Variants in PCDHA2 observed in about 807,000 individuals in gnomAD.
The protein encoded by PCDHA2 is protocadherin alpha 2.
A neutral mutation model predicts 66.0 loss-of-function variants in PCDHA2; 58 were observed. The ratio of observed to expected loss-of-function variants is 0.88; its 90% CI spans 0.71 to 1.09. The LOEUF is 1.09. PCDHA2 is among the 50% of genes least tolerant of loss of function. The pLI, the probability that PCDHA2 is intolerant of heterozygous loss-of-function variation, is 0.00. For missense variants in PCDHA2, 1,267 were observed against 1,242.3 expected (o/e 1.02, Z -0.30); for synonymous variants, 634 against 554.0 (o/e 1.14, Z -2.03).
intron 1 of PCDHA2, among the ~76,000 whole-genome samples, chr5:140,950,428 T>G (rs408652): frequency 0.56 from 85,077 of 151,214 alleles, 24,477 homozygotes; most frequent in African/African-American, 0.69. Context: ...TTTCTTCCAC[T>G]TAAAAAAAAT....
In PCDHA2 at chr5:140,803,406, C is replaced by A. The variant is rs1554122792; in HGVS notation, c.2388+6054C>A. 4 of 1,614,226 alleles carry A rather than the reference C, an allele frequency of 2.5e-6. No individual in the cohort carries two copies. In the South Asian group the frequency reaches 4.4e-5, roughly 18 times the overall value. On this transcript the variant is annotated intron_variant, in intron 1 of 3. Transcript: ENST00000526136. ...CGAAGGCGACTGTGGGCCGGGCAAG[C>A]CCACGCTGGTGTGCTCCAGCGCGGT...
At chr5:140,805,090 G>A in intron 1 of PCDHA2, 7 of 1,592,872 alleles carry the variant, frequency 4.4e-6, no homozygotes, top group Non-Finnish European at 6.0e-6. Flanking sequence ...AATCCAGCTT[G>A]CCTCTTGAAA....
chr5:140,869,250 G>C (rs371660992), intron 1 of PCDHA2: 4 of 1,613,636 alleles, frequency 2.5e-6, no homozygotes, highest in East Asian at 2.2e-5. Flanking sequence ...GCCGCATCGC[G>C]CAGGACCTGG....
At chr5:140,848,886 C>G in intron 1 of PCDHA2, 2 of 1,591,496 alleles carry the variant, frequency 1.3e-6, no homozygotes, top group Admixed American at 1.7e-5. Context: ...CGACAACCCT[C>G]CAGTGTTCCC....
At chr5:140,852,794 G>A (rs2042475674) in intron 1 of PCDHA2, 1 of 976,830 alleles carries the variant, frequency 1.0e-6, no homozygotes, top group South Asian at 4.8e-5. Flanking sequence ...GGATGCTACA[G>A]ATGTCATTTG....
intron 1 of PCDHA2, chr5:140,815,326 T>C (rs1455934614): frequency 1.3e-5 from 2 of 152,130 alleles, no homozygotes; most frequent in Non-Finnish European, 2.9e-5. Context: ...TATGTTTTTG[T>C]TCCTTTCCTG....
At position 140,857,263 on chromosome 5, in the gene PCDHA2, A is replaced by G. The variant is rs367883816; in HGVS notation, c.2388+59911A>G. On this transcript the variant is annotated intron_variant, in intron 1 of 3. Coordinates refer to ENST00000526136, the MANE Select transcript of PCDHA2 (RefSeq NM_018905.3). The stretch of plus-strand genomic sequence containing the variant: ...TGTCCACCTACAAGAATTACTACTC[A>G]TTGGTGCTGGACAGCGCTCTGGACC... 5.0e-5 allele frequency: 80 copies of G among 1,598,534 alleles called. 2 individuals carry two copies. In the East Asian group the frequency reaches 1.3e-3, roughly 25 times the overall value.
intron 1 of PCDHA2, chr5:140,968,375 T>G: frequency 6.2e-7 from 1 of 1,614,098 alleles, no homozygotes; most frequent in Non-Finnish European, 8.5e-7. Context: ...TGTCAACTCC[T>G]TTGACTATGA....
At chr5:140,807,000 T>G in intron 1 of PCDHA2, 2 of 726,976 alleles carry the variant, frequency 2.8e-6, no homozygotes, top group Non-Finnish European at 4.5e-6. Context: ...GATGTCGCTC[T>G]TTACCACAAA....
At chr5:140,944,053 A>G (rs246065) in intron 1 of PCDHA2, among the ~76,000 whole-genome samples, 85,768 of 152,016 alleles carry the variant, frequency 0.56, 24,809 homozygotes, top group African/African-American at 0.69. Context: ...TTGGGATACA[A>G]AAAGGTTTCT....
intron 1 of PCDHA2, chr5:140,927,527 C>A (rs1554204693): frequency 6.2e-7 from 1 of 1,614,084 alleles, no homozygotes. Flanking sequence ...GGGCTACCTG[C>A]CCGCTCAGGA....
At position 140,835,614 on chromosome 5, in the gene PCDHA2, A is replaced by C. The variant is rs2150239494; in HGVS notation, c.2388+38262A>C. On this transcript the variant is annotated intron_variant, in intron 1 of 3. Transcript: ENST00000526136. ...GAATTACTATTCATTGGTGCTGGAC[A>C]GCGCTCTGGACCGCGAGAGTGTGTC... 7 of 1,613,916 alleles carry C rather than the reference A, an allele frequency of 4.3e-6. No individual in the cohort carries two copies. In the East Asian group the frequency reaches 1.3e-4, roughly 31 times the overall value.
chr5:140,875,484 C>T (rs1442383636), intron 1 of PCDHA2: 2 of 1,611,246 alleles, frequency 1.2e-6, no homozygotes, highest in Non-Finnish European at 1.7e-6. Flanking sequence ...TGGTGATTAT[C>T]GGACCAAGAG....
At chr5:140,813,809 A>G (rs904755063) in intron 1 of PCDHA2, 3 of 152,296 alleles carry the variant, frequency 2.0e-5, no homozygotes, top group Non-Finnish European at 4.4e-5. Context: ...CAGCCTGGGC[A>G]ATATAGTGAG....
chr5:140,824,104 CAG>C, intron 1 of PCDHA2: 1 of 1,614,126 alleles, frequency 6.2e-7, no homozygotes, highest in Non-Finnish European at 8.5e-7. Flanking sequence ...AAGCCTTCCT[CAG>C]GGTCCCACCT....
chr5:140,799,278 C>T (rs1762410245), intron 1 of PCDHA2, among the ~76,000 whole-genome samples: 1 of 152,024 alleles, frequency 6.6e-6, no homozygotes, highest in Non-Finnish European at 1.5e-5. Flanking sequence ...TATAAATTCT[C>T]ATGTGACATT....
chr5:140,833,536 G>A (rs188132068), intron 1 of PCDHA2, among the ~76,000 whole-genome samples: 247 of 152,256 alleles, frequency 1.6e-3, no homozygotes, highest in African/African-American at 5.6e-3. Flanking sequence ...ACAAGTGTTC[G>A]AAAGGATAGA....
At chr5:140,837,652 CCTTTTTCTTTCATT>C (rs2150143290) in intron 1 of PCDHA2, among the ~76,000 whole-genome samples, 1 of 148,754 alleles carries the variant, frequency 6.7e-6, no homozygotes, top group South Asian at 2.1e-4. Flanking sequence ...TTTCTTTCTT[CCTTTTTCTTTCATT>C]CTTTTTCTTT....
intron 1 of PCDHA2, chr5:140,861,364 C>T (rs1581608735): frequency 2.8e-6 from 1 of 356,870 alleles, no homozygotes; most frequent in South Asian, 2.7e-5. Flanking sequence ...AGCGTCTTCG[C>T]GGTCCCTATT....
Sources: allele counts gnomAD v4.1 joint callset (sites outside exome capture counted in the v4.1 genomes callset), GRCh38; gene constraint gnomAD v4.1.1; transcripts MANE v1.5; gene names NCBI Gene and HGNC (gene_info 2026-07-23, HGNC 2026-07-21).